The following PATJ variants were observed in gnomAD, a reference collection of about 807,000 sequenced individuals.
PATJ encodes the protein inaD-like protein.
In PATJ, 190 loss-of-function variants were observed where a neutral mutation model predicts 224.9. That is an observed-to-expected ratio of 0.84 (90% CI 0.75 to 0.95). The LOEUF is 0.95. Ranked by LOEUF, PATJ falls within the 40% of genes least tolerant of loss-of-function variation. The probability of loss-of-function intolerance (pLI) is 0.00; values close to 1 mark genes in which losing one functional copy is unlikely to be tolerated. For synonymous variants in PATJ, 769 were observed against 820.3 expected (o/e 0.94, Z 1.07); for missense variants, 2,121 against 2,270.3 (o/e 0.93, Z 1.34).
intron 25 of PATJ, among the ~76,000 whole-genome samples, chr1:61,912,691 G>GC (rs1672856421): frequency 7.8e-6 from 1 of 128,748 alleles, no homozygotes; most frequent in Non-Finnish European, 1.7e-5. Context: ...GGGGAGGGGA[G>GC]GGAAGAGGGG....
At position 62,136,679 on chromosome 1, in the gene PATJ, GTGTGTGTGTGTGTC is replaced by G. The variant is rs1453296726; in HGVS notation, c.5271+7748_5271+7761del. Among the ~76,000 whole-genome samples, 366 of 150,166 alleles carry G rather than the reference GTGTGTGTGTGTGTC, an allele frequency of 2.4e-3. 5 individuals are homozygous for G. Among genetic ancestry groups the G allele is most frequent in the African/African-American group, 8.2e-3 (333 of 40,418 alleles). On this transcript the variant is annotated intron_variant, in intron 41 of 43. Transcript: ENST00000642238. ...TGTGTGTGTGTCTGTGTGTGTGTGT[GTGTGTGTGTGTGTC>G]TGTGTGTGTGTGTGGTGTGTTGTTT...
intron 33 of PATJ, among the ~76,000 whole-genome samples, chr1:62,106,688 C>A (rs544893406): frequency 6.6e-6 from 1 of 152,240 alleles, no homozygotes; most frequent in African/African-American, 2.4e-5. Flanking sequence ...GGGTACCAAC[C>A]AAACACCCAG....
chr1:62,147,053 G>A (rs1004070542), intron 41 of PATJ, among the ~76,000 whole-genome samples: 2 of 152,136 alleles, frequency 1.3e-5, no homozygotes, highest in Non-Finnish European at 2.9e-5. Flanking sequence ...ATATCCAGTT[G>A]TGACATCCAG....
rs749661534 is a variant in PATJ, at chr1:62,114,158, T to G, written c.4567T>G (p.Tyr1523Asp). The change falls in exon 35 of 44, where the codon TAC (tyrosine) becomes GAC (aspartate). Residue 1523 changes from tyrosine (Y) to aspartate (D), a missense_variant. Physicochemically the swap from Tyr to Asp is radical, Grantham distance 160. Coordinates refer to ENST00000642238, the MANE Select transcript of PATJ (RefSeq NM_001350145.3). Reference sequence around the variant, plus strand: ...GGTGGTGTATAGAGATGAGGCACACTACCGGGATGAGGAGAACTTGGAGAT... The same window carrying G: ...GGTGGTGTATAGAGATGAGGCACACGACCGGGATGAGGAGAACTTGGAGAT... ...RLVVYRDEAH[Y>D]RDEENLEIFP... 8.7e-6 allele frequency: 14 copies of G among 1,614,020 alleles called. No individual in the cohort carries two copies. In the South Asian group the frequency reaches 1.5e-4, roughly 18 times the overall value.
chr1:61,842,193 G>T (rs1468925068), intron 17 of PATJ, among the ~76,000 whole-genome samples: 1 of 152,150 alleles, frequency 6.6e-6, no homozygotes, highest in East Asian at 1.9e-4. Context: ...CTTAATAAGA[G>T]ATCAAAGAGG....
intron 17 of PATJ, among the ~76,000 whole-genome samples, chr1:61,851,458 A>AC (rs1662792458): frequency 6.6e-6 from 1 of 152,102 alleles, no homozygotes; most frequent in African/African-American, 2.4e-5. Flanking sequence ...ACGCAGCATG[A>AC]CAAGGCCTTT....
At chr1:61,990,992 G>T (rs535261498) in intron 28 of PATJ, among the ~76,000 whole-genome samples, 1 of 152,150 alleles carries the variant, frequency 6.6e-6, no homozygotes, top group Non-Finnish European at 1.5e-5. Context: ...TATCTGTTCT[G>T]AGCTTATCTT....
chr1:61,895,397 T>G (rs551290508), intron 22 of PATJ, among the ~76,000 whole-genome samples: 1 of 152,332 alleles, frequency 6.6e-6, no homozygotes, highest in East Asian at 1.9e-4. Flanking sequence ...AAAATGGTTT[T>G]GTGGGCCAGG....
intron 33 of PATJ, among the ~76,000 whole-genome samples, chr1:62,097,974 G>A (rs1297426893): frequency 3.3e-5 from 5 of 152,166 alleles, no homozygotes; most frequent in Non-Finnish European, 7.3e-5. Flanking sequence ...GACTTTAGAA[G>A]TCATGTAGTT....
At chr1:62,088,072 G>A (rs1193275597) in intron 33 of PATJ, among the ~76,000 whole-genome samples, 1 of 151,788 alleles carries the variant, frequency 6.6e-6, no homozygotes, top group Non-Finnish European at 1.5e-5. Context: ...TGTATTTTTA[G>A]TAGAGACGGG....
rs766785481 is a variant in PATJ at position 62,117,192 on chromosome 1, G to A, written c.4864G>A (p.Ala1622Thr). ...GRLRAGSWTS[A>T]RTTSQNSQGS... ...ACTCCGAGCTGGTTCCTGGACCTCC[G>A]CAAGGACGACATCACAGAACAGTCA... The change falls in exon 37 of 44, where the codon GCA becomes ACA. Residue 1622 changes from alanine (A) to threonine (T), a missense_variant. Ala to Thr is a moderately conservative substitution (Grantham distance 58, BLOSUM62 0). Transcript: ENST00000642238. The A allele has an allele frequency of 4.0e-5, 64 of 1,613,908 alleles. No homozygotes were observed. The highest frequency in any genetic ancestry group is 4.9e-5 in the Non-Finnish European group (58 of 1,179,996).
rs377323390 is a variant in PATJ at position 61,831,726 on chromosome 1, T to C, written c.1981-1928T>C. Among the ~76,000 whole-genome samples the C allele has an allele frequency of 5.3e-5, 8 of 152,326 alleles. No homozygotes were observed. In the East Asian group the frequency reaches 1.2e-3, roughly 22 times the overall value. On this transcript the variant is annotated intron_variant, in intron 16 of 43. Transcript: ENST00000642238. ...GAGAAAAGGAAACAATTAGCACTGCTGGTGGGAGTGTAAATTAGTTCAGCC... is the reference window on the plus strand; with the variant it reads ...GAGAAAAGGAAACAATTAGCACTGCCGGTGGGAGTGTAAATTAGTTCAGCC...
At chr1:62,097,322 GA>G (rs942551342) in intron 33 of PATJ, among the ~76,000 whole-genome samples, 64 of 147,498 alleles carry the variant, frequency 4.3e-4, no homozygotes, top group Middle Eastern at 3.5e-3. Context: ...TTAAAAAAAG[GA>G]AAAAAAAAAG....
intron 9 of PATJ, among the ~76,000 whole-genome samples, chr1:61,793,200 A>G (rs1315570471): frequency 6.6e-6 from 1 of 152,074 alleles, no homozygotes; most frequent in Non-Finnish European, 1.5e-5. Flanking sequence ...CAGACTCCCC[A>G]GTAGCTGGGA....
In PATJ at chr1:61,757,454, G is replaced by A. The variant is rs139409892; in HGVS notation, c.-35-5404G>A. On this transcript the variant is annotated intron_variant, in intron 1 of 43. Transcript: ENST00000642238. ...GGCTGGAGTGCAGTGGTGCTATCTC[G>A]GCTCACTGCAGCCTCAACCTTCCTG... Among the ~76,000 whole-genome samples, 121 of 151,926 alleles carry A rather than the reference G, an allele frequency of 8.0e-4. 1 individual carries two copies. The East Asian group carries it at 8.5e-3, about 11-fold the overall frequency.
Position 61,879,555 on chromosome 1 carries a change from C to T in PATJ, c.2959+4189C>T, listed in dbSNP as rs374296898. 1.3e-4 allele frequency among the ~76,000 whole-genome samples: 19 copies of T among 151,732 alleles called. No homozygotes were observed. In the East Asian group the frequency reaches 3.1e-3, roughly 25 times the overall value. On this transcript the variant is annotated intron_variant, in intron 21 of 43. Coordinates refer to ENST00000642238, the MANE Select transcript of PATJ (RefSeq NM_001350145.3). ...GTTTTCCTATCATTGCAGAGTTCTC[C>T]GGTATGGTGAGAAGAAAAAATAAGG...
At position 61,814,557 on chromosome 1, in the gene PATJ, C is replaced by T. The variant is rs922161656; in HGVS notation, c.1683+6027C>T. On this transcript the variant is annotated intron_variant, in intron 14 of 43. Transcript: ENST00000642238. ...GTGTGTGTGTGTGTGTGCGCGCGCGCGCGCATGTATGTGGGATAGAAGGGG... is the reference window on the plus strand; with the variant it reads ...GTGTGTGTGTGTGTGTGCGCGCGCGTGCGCATGTATGTGGGATAGAAGGGG... Among the ~76,000 whole-genome samples the T allele has an allele frequency of 4.3e-5, 6 of 138,922 alleles. No individual in the cohort carries two copies. In the East Asian group the frequency reaches 6.7e-4, roughly 16 times the overall value. 91.1% of individuals were successfully genotyped at this position (138,922 alleles called of 152,430 possible). A position where few individuals can be genotyped will look rare whatever the true frequency, so the allele number is the denominator to read the frequency against.
intron 36 of PATJ, among the ~76,000 whole-genome samples, chr1:62,116,924 A>G (rs1664501594): frequency 6.6e-6 from 1 of 152,184 alleles, no homozygotes; most frequent in Non-Finnish European, 1.5e-5. Flanking sequence ...ACTTGTGAGA[A>G]TTCTAAGTAT....
At position 61,914,619 on chromosome 1, in the gene PATJ, A is replaced by G; in HGVS notation, c.3525A>G (p.Lys1175=). 6.3e-7 allele frequency: 1 copy of G among 1,582,498 alleles called. No homozygotes were observed. ...VIPNVHNKAN[K]ITGNQNQDTQ... ...CTAACGTACATAACAAGGCCAACAA[A>G]ATCACCGGTAACCAGAACCAGGACA... is the stretch of plus-strand genomic sequence containing the variant. The change falls in exon 26 of 44, where the codon AAA becomes AAG. Residue 1175 remains lysine (K), a synonymous_variant. Coordinates refer to ENST00000642238, the MANE Select transcript of PATJ (RefSeq NM_001350145.3).
Sources: allele counts gnomAD v4.1 joint callset (sites outside exome capture counted in the v4.1 genomes callset), GRCh38; gene constraint gnomAD v4.1.1; transcripts MANE v1.5; gene names NCBI Gene and HGNC (gene_info 2026-07-23, HGNC 2026-07-21).